Variants in ELP3 observed in about 807,000 individuals in gnomAD.
ELP3 encodes elongator complex protein 3.
Under a neutral mutation model 74.9 loss-of-function variants are expected in ELP3, and 56 were observed. The ratio of observed to expected loss-of-function variants is 0.75; its 90% CI spans 0.60 to 0.93. The LOEUF (loss-of-function observed/expected upper bound fraction) is 0.93. Ranked by LOEUF, ELP3 falls within the 40% of genes least tolerant of loss-of-function variation. The probability of loss-of-function intolerance (pLI) is 0.00; values close to 1 mark genes in which losing one functional copy is unlikely to be tolerated. For synonymous variants in ELP3, 222 were observed against 239.8 expected (o/e 0.93, Z 0.68); for missense variants, 573 against 686.5 (o/e 0.83, Z 1.85).
At chr8:28,151,154 T>G (rs922333376) in intron 10 of ELP3, among the ~76,000 whole-genome samples, 1 of 152,258 alleles carries the variant, frequency 6.6e-6, no homozygotes, top group Non-Finnish European at 1.5e-5. Context: ...TCTTTGCTTT[T>G]CCATTTTCAG....
intron 1 of ELP3, among the ~76,000 whole-genome samples, chr8:28,094,145 A>T (rs1450577511): frequency 6.6e-6 from 1 of 152,208 alleles, no homozygotes; most frequent in East Asian, 1.9e-4. Context: ...GCCCTAAATT[A>T]ATTTGTTATC....
intron 7 of ELP3, among the ~76,000 whole-genome samples, chr8:28,119,570 TTTTATATATATATATATATATA>T (rs1812273885): frequency 1.1e-5 from 1 of 92,108 alleles, no homozygotes; most frequent in African/African-American, 4.1e-5. Flanking sequence ...ACTTGTGGCG[TTTTATATATATATATATATATA>T]TATATATATA....
At chr8:28,156,122 C>G in intron 11 of ELP3, 90 bp downstream of exon 11, 2 of 1,035,876 alleles carry the variant, frequency 1.9e-6, no homozygotes, top group Non-Finnish European at 2.9e-6. Flanking sequence ...CCCCTAAAAC[C>G]AGACTTGCGG....
chr8:28,127,595 G>T (rs1812629215), intron 7 of ELP3, among the ~76,000 whole-genome samples: 1 of 152,030 alleles, frequency 6.6e-6, no homozygotes, highest in Non-Finnish European at 1.5e-5. Flanking sequence ...CTGGAGGAAG[G>T]TGTGTTACGT....
intron 1 of ELP3, 83 bp from the exon 2 acceptor site, chr8:28,097,136 G>T: frequency 2.3e-6 from 2 of 877,378 alleles, no homozygotes; most frequent in South Asian, 1.6e-5. Context: ...TATGGTTTCG[G>T]ATGGAAAACT....
chr8:28,120,284 C>T (rs1025167416), intron 7 of ELP3, among the ~76,000 whole-genome samples: 2 of 152,202 alleles, frequency 1.3e-5, no homozygotes, highest in Middle Eastern at 3.4e-3. Flanking sequence ...TTCTAGTGGG[C>T]GTATAATGGT....
chr8:28,153,972 AT>A (rs2130531299), intron 10 of ELP3, among the ~76,000 whole-genome samples: 2 of 152,028 alleles, frequency 1.3e-5, no homozygotes, highest in East Asian at 3.9e-4. Flanking sequence ...CTCTTCATTC[AT>A]TTTCTTCTTA....
At chr8:28,150,961 GATGTGGTCTCATT>G (rs1813620006) in intron 10 of ELP3, among the ~76,000 whole-genome samples, 1 of 152,080 alleles carries the variant, frequency 6.6e-6, no homozygotes, top group African/African-American at 2.4e-5. Flanking sequence ...TTTTTGTGGG[GATGTGGTCTCATT>G]ATGTTGTCTA....
chr8:28,135,415 GA>G (rs777912788), intron 9 of ELP3, among the ~76,000 whole-genome samples: 15 of 152,282 alleles, frequency 9.9e-5, no homozygotes, highest in Non-Finnish European at 1.9e-4. Flanking sequence ...ATCCAGAGAT[GA>G]ACTCTCCAAC....
intron 7 of ELP3, among the ~76,000 whole-genome samples, chr8:28,121,218 G>A (rs995580271): frequency 6.6e-5 from 10 of 151,828 alleles, no homozygotes; most frequent in African/African-American, 2.4e-4. Flanking sequence ...TGTTGAGATT[G>A]TATAAGCCTT....
intron 10 of ELP3, among the ~76,000 whole-genome samples, chr8:28,138,878 A>G (rs1334651616): frequency 6.6e-6 from 1 of 152,248 alleles, no homozygotes; most frequent in African/African-American, 2.4e-5. Context: ...TATTTTTAAA[A>G]ATACACCTAA....
At chr8:28,188,218 A>G (rs1815319091) in intron 14 of ELP3, among the ~76,000 whole-genome samples, 2 of 152,228 alleles carry the variant, frequency 1.3e-5, no homozygotes, top group South Asian at 4.1e-4. Context: ...TGCAGGGGTA[A>G]TGGACCTTTA....
intron 1 of ELP3, among the ~76,000 whole-genome samples, chr8:28,093,949 C>T (rs1255894992): frequency 6.6e-6 from 1 of 152,174 alleles, no homozygotes; most frequent in Non-Finnish European, 1.5e-5. Flanking sequence ...CTTTCCCAGA[C>T]CAAAATTATA....
At chr8:28,115,750 G>A (rs551291507) in intron 7 of ELP3, among the ~76,000 whole-genome samples, 2 of 152,298 alleles carry the variant, frequency 1.3e-5, no homozygotes, top group East Asian at 1.9e-4. Context: ...TTTGCAAGCT[G>A]TGCTAGGTGT....
Position 28,101,393 on chromosome 8 carries a change from C to G in ELP3, c.258+1427C>G, listed in dbSNP as rs1217732278. On this transcript the variant is annotated intron_variant, in intron 3 of 14. Transcript: ENST00000256398. ...TGAGATCATGCCACTGCACTCCAGCCTGGGCGAAAAAGCGAGACTCCATCT... is the reference window on the plus strand; with the variant it reads ...TGAGATCATGCCACTGCACTCCAGCGTGGGCGAAAAAGCGAGACTCCATCT... Among the ~76,000 whole-genome samples, 3 of 151,932 alleles carry G rather than the reference C, an allele frequency of 2.0e-5. No individual in the cohort carries two copies. In the East Asian group the frequency reaches 5.8e-4, roughly 29 times the overall value.
upstream of ELP3, among the ~76,000 whole-genome samples, chr8:28,092,322 G>A (rs1307626635): frequency 2.0e-5 from 3 of 152,092 alleles, no homozygotes; most frequent in East Asian, 1.9e-4. Flanking sequence ...CTCCACTTCC[G>A]GGTTCAAGAG....
At chr8:28,169,848 A>T (rs1814449857) in intron 14 of ELP3, among the ~76,000 whole-genome samples, 1 of 152,092 alleles carries the variant, frequency 6.6e-6, no homozygotes, top group African/African-American at 2.4e-5. Context: ...ACTTTTTGGC[A>T]GGCATCGGTT....
At chr8:28,095,878 A>C (rs769286603) in intron 1 of ELP3, among the ~76,000 whole-genome samples, 14 of 152,222 alleles carry the variant, frequency 9.2e-5, no homozygotes, top group Non-Finnish European at 1.8e-4. Context: ...CTTTCTCTGC[A>C]GTGTGAGTCC....
upstream of ELP3, chr8:28,093,007 A>G (rs1811099538): frequency 1.3e-6 from 1 of 748,760 alleles, no homozygotes; most frequent in Non-Finnish European, 2.3e-6. Flanking sequence ...ATCGCAGCCT[A>G]GGGGCCTCAC....
Sources: allele counts gnomAD v4.1 joint callset (sites outside exome capture counted in the v4.1 genomes callset), GRCh38; gene constraint gnomAD v4.1.1; transcripts MANE v1.5; gene names NCBI Gene and HGNC (gene_info 2026-07-23, HGNC 2026-07-21).